The following ATXN2L variants were observed in gnomAD, a reference collection of about 807,000 sequenced individuals.
ATXN2L encodes ataxin-2-like protein.
ATXN2L carries 24 observed loss-of-function variants against 120.7 expected under a neutral mutation model. The observed-to-expected ratio is 0.20, with a 90% CI of 0.14 to 0.28. The LOEUF is 0.28. ATXN2L is among the 10% of genes least tolerant of loss of function. The probability of loss-of-function intolerance (pLI) is 1.00; values close to 1 mark genes in which losing one functional copy is unlikely to be tolerated. For synonymous variants in ATXN2L, 653 were observed against 568.1 expected (o/e 1.15, Z -2.13); for missense variants, 1,312 against 1,432.3 (o/e 0.92, Z 1.36).
At chr16:28,830,894 G>T in intron 9 of ATXN2L, 68 bp from the exon 10 acceptor site, 2 of 1,493,536 alleles carry the variant, frequency 1.3e-6, no homozygotes, top group South Asian at 1.2e-5. Context: ...CGCTGCATCG[G>T]TGGGAATGTA....
chr16:28,823,683 C>T lies in ATXN2L; in HGVS notation c.299+125C>T, dbSNP rs117721600. The T allele has an allele frequency of 1.5e-3, 1,567 of 1,023,354 alleles. 32 individuals are homozygous for T. The East Asian group carries it at 0.046, about 30-fold the overall frequency. The allele number at this position is 1,023,354 out of a possible 1,614,324, so 63.4% of individuals were successfully genotyped here. On this transcript the variant is annotated intron_variant, in intron 1 of 21. Coordinates refer to ENST00000336783, the MANE Select transcript of ATXN2L (RefSeq NM_007245.4). ...GGCTGGGTGGGGAGTCCCCGTGAAG[C>T]TGGGGGAGGGCCCCCTCAGGTCCGA...
At chr16:28,824,156 C>G (rs1596841427) in intron 1 of ATXN2L, 1 of 1,021,284 alleles carries the variant, frequency 9.8e-7, no homozygotes, top group South Asian at 3.1e-5. Flanking sequence ...CCCGTACGTG[C>G]GCGTGGATGC....
chr16:28,834,746 C>A, intron 18 of ATXN2L, 53 bp downstream of exon 18: 3 of 1,542,670 alleles, frequency 1.9e-6, no homozygotes, highest in South Asian at 2.4e-5. Flanking sequence ...CTAGGGATCC[C>A]ATCTTCTCCA....
chr16:28,828,150 C>T (rs2052918652), intron 6 of ATXN2L, among the ~76,000 whole-genome samples: 1 of 152,088 alleles, frequency 6.6e-6, no homozygotes. Flanking sequence ...AAAAATAGTA[C>T]CTTGCTGGAC....
Position 28,834,047 on chromosome 16 carries a change from C to T in ATXN2L, c.2026-18C>T, listed in dbSNP as rs773208614. ...AGGGGAAAATACAAAATAAAATTGT[C>T]CTCCCTTGTTTTTGCAGAATAAATC... On this transcript the variant is annotated intron_variant, in intron 15 of 21. Coordinates refer to ENST00000336783, the MANE Select transcript of ATXN2L (RefSeq NM_007245.4). The T allele has an allele frequency of 9.3e-6, 15 of 1,608,282 alleles. No homozygotes were observed. The highest frequency in any genetic ancestry group is 4.5e-5 in the East Asian group (2 of 44,848).
intron 8 of ATXN2L, 118 bp downstream of exon 8, chr16:28,830,176 G>C (rs2053809074): frequency 1.0e-6 from 1 of 1,002,874 alleles, no homozygotes; most frequent in South Asian, 2.2e-5. Context: ...GTCATACACA[G>C]GTTTAGGAGG....
chr16:28,826,048 A>C, intron 4 of ATXN2L, 192 bp from the exon 5 acceptor site: 1 of 831,430 alleles, frequency 1.2e-6, no homozygotes, highest in Non-Finnish European at 1.8e-6. Flanking sequence ...TTTTTGTGAG[A>C]CTTTTGCTAA....
Position 28,823,159 on chromosome 16 carries a change from C to A in ATXN2L, c.-101C>A. 1 of 751,976 alleles carries A rather than the reference C, an allele frequency of 1.3e-6. No homozygotes were observed. The highest frequency in any genetic ancestry group is 1.8e-6 in the Non-Finnish European group (1 of 552,470). 46.6% of individuals were successfully genotyped at this position (751,976 alleles called of 1,614,324 possible). A position where few individuals can be genotyped will look rare whatever the true frequency, so the allele number is the denominator to read the frequency against. On this transcript the variant is annotated 5_prime_UTR_variant, in exon 1 of 22. In the 5' UTR this introduces an upstream ATG that the reference lacks. Transcript: ENST00000336783. The stretch of plus-strand genomic sequence containing the variant: ...CCCGCCCGCCCACGGCGGGCCCCGG[C>A]TGCCCGATCCCCCTCGCTTCCCGCG...
intron 8 of ATXN2L, 98 bp downstream of exon 8, chr16:28,830,156 C>A: frequency 8.1e-7 from 1 of 1,230,368 alleles, no homozygotes; most frequent in Non-Finnish European, 1.1e-6. Flanking sequence ...GCCTTGTGAC[C>A]ATGTAAAATG....
chr16:28,836,348 C>T lies in ATXN2L; in HGVS notation c.*83C>T. On this transcript the variant is annotated 3_prime_UTR_variant, in exon 22 of 22. Coordinates refer to ENST00000336783, the MANE Select transcript of ATXN2L (RefSeq NM_007245.4). ...AAGTATGTAGGGTGGGCAGAAGCCA[C>T]AGTCGCCGCCGCCAGGGGCTTGCTC... 1 of 1,613,270 alleles carries T rather than the reference C, an allele frequency of 6.2e-7. No homozygotes were observed. The highest frequency in any genetic ancestry group is 1.1e-5 in the South Asian group (1 of 91,032).
At position 28,828,120 on chromosome 16, in the gene ATXN2L, G is replaced by A. The variant is rs75870717; in HGVS notation, c.741+1134G>A. 3.0e-3 allele frequency among the ~76,000 whole-genome samples: 463 copies of A among 152,140 alleles called. 5 individuals carry two copies. The highest frequency in any genetic ancestry group is 0.011 in the African/African-American group (437 of 41,496). On this transcript the variant is annotated intron_variant, in intron 6 of 21. Coordinates refer to ENST00000336783, the MANE Select transcript of ATXN2L (RefSeq NM_007245.4). ...CCTTTTCCTTAATCATCTGCATTTG[G>A]TTGCCATTATTTTGCTACTAAAAAT...
At position 28,835,172 on chromosome 16, in the gene ATXN2L, C is replaced by T; in HGVS notation, c.2548C>T (p.Pro850Ser). 1.9e-6 allele frequency: 3 copies of T among 1,612,304 alleles called. No homozygotes were observed. Among genetic ancestry groups the T allele is most frequent in the Non-Finnish European group, 2.5e-6 (3 of 1,179,020 alleles). Residue 850 changes from proline (P) to serine (S), a missense_variant, in exon 19 of 22, where the codon CCC (proline) becomes TCC (serine). Coordinates refer to ENST00000336783, the MANE Select transcript of ATXN2L (RefSeq NM_007245.4). ...PQYPSAEQPTPQALYATVHQS... is the reference protein window; with the variant it reads ...PQYPSAEQPTSQALYATVHQS... The stretch of plus-strand genomic sequence containing the variant: ...GTACCCTTCTGCAGAGCAGCCTACC[C>T]CCCAAGCCCTTTATGGTGAGTCCTG...
Position 28,835,259 on chromosome 16 carries a change from TC to T in ATXN2L, c.2564-16del, listed in dbSNP as rs1469670687. On this transcript the variant is annotated intron_variant, in intron 19 of 21. Transcript: ENST00000336783. Reference sequence around the variant, plus strand: ...CCTCTGGTGTGCTCAGCACTGGTTCTCCCTCTTTCCTGCTGCAGCCACTGTT... The same window carrying T: ...CCTCTGGTGTGCTCAGCACTGGTTCTCCTCTTTCCTGCTGCAGCCACTGTT... 1.2e-6 allele frequency: 2 copies of T among 1,613,738 alleles called. No homozygotes were observed. Among genetic ancestry groups the T allele is most frequent in the South Asian group, 2.2e-5 (2 of 91,084 alleles).
chr16:28,834,589 C>T lies in ATXN2L; in HGVS notation c.2329C>T (p.Pro777Ser). 4 of 1,613,564 alleles carry T rather than the reference C, an allele frequency of 2.5e-6. No homozygotes were observed. Among genetic ancestry groups the T allele is most frequent in the Non-Finnish European group, 3.4e-6 (4 of 1,179,944 alleles). The change falls in exon 18 of 22, where the codon CCT becomes TCT. Residue 777 changes from proline (P) to serine (S), a missense_variant. By Grantham distance (74) the Pro-to-Ser change is moderately conservative. Transcript: ENST00000336783. ...GCAGGCCGCCGCGGCTGCTGGCCCG[C>T]CTCTGGTGGCTGCCACGCCCTATTC... Reference protein sequence around the residue: ...MMQAAAAAGPPLVAATPYSSY... With the variant: ...MMQAAAAAGPSLVAATPYSSY...
Position 28,836,754 on chromosome 16 carries a change from C to A in ATXN2L, c.*489C>A. 6.2e-7 allele frequency: 1 copy of A among 1,614,050 alleles called. No individual in the cohort carries two copies. Among genetic ancestry groups the A allele is most frequent in the Non-Finnish European group, 8.5e-7 (1 of 1,179,984 alleles). On this transcript the variant is annotated 3_prime_UTR_variant, in exon 22 of 22. Coordinates refer to ENST00000336783, the MANE Select transcript of ATXN2L (RefSeq NM_007245.4). The stretch of plus-strand genomic sequence containing the variant: ...TCAATCTCATCCCTCCCAGCAGCTC[C>A]CCTTCCACCCCCCGGGGAACTGAAG...
At position 28,823,367 on chromosome 16, in the gene ATXN2L, C is replaced by T; in HGVS notation, c.108C>T (p.Gly36=). 7.4e-7 allele frequency: 1 copy of T among 1,351,842 alleles called. No individual in the cohort carries two copies. The highest frequency in any genetic ancestry group is 9.5e-7 in the Non-Finnish European group (1 of 1,054,814). The allele number at this position is 1,351,842 out of a possible 1,614,324, so 83.7% of individuals were successfully genotyped here. Residue 36 remains glycine, a synonymous_variant, in exon 1 of 22, where the codon GGC becomes GGT. Transcript: ENST00000336783. The stretch of plus-strand genomic sequence containing the variant: ...CCGGGGGCACCAGCCCTCCCAACGG[C>T]GGCCTCCCGGGGCCGCTGGCCACCT... ...RPPGGTSPPN[G]GLPGPLATSA...
chr16:28,835,097 C>T lies in ATXN2L; in HGVS notation c.2473C>T (p.Leu825=), dbSNP rs772963655. 2.5e-6 allele frequency: 4 copies of T among 1,613,914 alleles called. No homozygotes were observed. The East Asian group carries it at 6.7e-5, about 27-fold the overall frequency. The change falls in exon 19 of 22, where the codon CTG becomes TTG. Residue 825 remains leucine (L), a synonymous_variant. Coordinates refer to ENST00000336783, the MANE Select transcript of ATXN2L (RefSeq NM_007245.4). ...APMLQSNPRM[L]TSGSHPQAIV... ...CATGCTTCAGAGCAACCCACGCATG[C>T]TGACGTCGGGCAGCCATCCCCAGGC...
rs1567399651 is a variant in ATXN2L at position 28,825,857 on chromosome 16, T to C, written c.465+16T>C. 6.2e-7 allele frequency: 1 copy of C among 1,605,690 alleles called. No homozygotes were observed. The highest frequency in any genetic ancestry group is 8.5e-7 in the Non-Finnish European group (1 of 1,172,438). Reference sequence around the variant, plus strand: ...AAGCTCAAAGGTCAGTGTACTCAAATTTAATTATTTTTGGAGTTGCAGAGT... The same window carrying C: ...AAGCTCAAAGGTCAGTGTACTCAAACTTAATTATTTTTGGAGTTGCAGAGT... On this transcript the variant is annotated intron_variant, in intron 4 of 21. Coordinates refer to ENST00000336783, the MANE Select transcript of ATXN2L (RefSeq NM_007245.4).
intron 6 of ATXN2L, among the ~76,000 whole-genome samples, chr16:28,827,311 G>C (rs528533075): frequency 2.0e-5 from 3 of 152,218 alleles, no homozygotes; most frequent in Admixed American, 2.0e-4. Context: ...GCATGTACCT[G>C]TAGTCCCAGC....
Sources: allele counts gnomAD v4.1 joint callset (sites outside exome capture counted in the v4.1 genomes callset), GRCh38; gene constraint gnomAD v4.1.1; transcripts MANE v1.5; gene names NCBI Gene and HGNC (gene_info 2026-07-23, HGNC 2026-07-21).